GRID2: variants seen among roughly 807,000 people sequenced by gnomAD.
GRID2 encodes the protein glutamate ionotropic receptor delta type subunit 2, also known as glutamate receptor ionotropic, delta-2.
Under a neutral mutation model 114.8 loss-of-function variants are expected in GRID2, and 33 were observed. The ratio of observed to expected loss-of-function variants is 0.29; its 90% CI spans 0.22 to 0.38. GRID2 has a LOEUF of 0.38. Among genes scored for constraint, GRID2 ranks in the 10% least tolerant of loss-of-function variants. The pLI is 1.00. For missense variants in GRID2, 1,184 were observed against 1,257.7 expected, an observed-to-expected ratio of 0.94 and a Z score of 0.89; for synonymous variants, 505 against 449.9, an observed-to-expected ratio of 1.12 and a Z score of -1.55.
intron 2 of GRID2, among the ~76,000 whole-genome samples, chr4:92,747,537 A>G (rs1578138115): frequency 1.3e-5 from 2 of 152,078 alleles, no homozygotes; most frequent in Admixed American, 1.3e-4. Context: ...GGGAGGGGGA[A>G]ATGATATCCT....
At chr4:92,749,627 G>C (rs536703512) in intron 2 of GRID2, among the ~76,000 whole-genome samples, 2 of 152,092 alleles carry the variant, frequency 1.3e-5, no homozygotes. Flanking sequence ...AGATGCGCTG[G>C]TATTTTAAGC....
At chr4:93,648,046 C>A (rs1038669772) in intron 14 of GRID2, among the ~76,000 whole-genome samples, 3 of 152,108 alleles carry the variant, frequency 2.0e-5, no homozygotes, top group Non-Finnish European at 4.4e-5. Context: ...GGATTTGAAT[C>A]CAGACAAATC....
chr4:93,270,105 A>G (rs1751273633), intron 8 of GRID2, among the ~76,000 whole-genome samples: 1 of 152,076 alleles, frequency 6.6e-6, no homozygotes. Flanking sequence ...TTAGAAAGAT[A>G]TAGTTGAAGA....
In GRID2 at chr4:92,941,827, C is replaced by G. The variant is rs144948624; in HGVS notation, c.245-143168C>G. Among the ~76,000 whole-genome samples the G allele has an allele frequency of 1.2e-3, 183 of 152,194 alleles. 3 individuals are homozygous for G. The East Asian group carries it at 0.027, about 23-fold the overall frequency. On this transcript the variant is annotated intron_variant, in intron 2 of 15. Transcript: ENST00000282020. ...ATTTCTGCGTTCATTTTTTTGTGTA[C>G]CCAGTAGTCATTCAGGAGCAGGTTG...
At chr4:92,895,265 G>C (rs186888791) in intron 2 of GRID2, among the ~76,000 whole-genome samples, 4,262 of 151,416 alleles carry the variant, frequency 0.028, 89 homozygotes, top group Middle Eastern at 0.079. Flanking sequence ...GATGTAATCT[G>C]AGCCTCTGGT....
intron 1 of GRID2, among the ~76,000 whole-genome samples, chr4:92,516,538 G>A (rs1208031080): frequency 6.6e-6 from 1 of 151,844 alleles, no homozygotes; most frequent in Non-Finnish European, 1.5e-5. Flanking sequence ...AAAGCCCTGT[G>A]TGGTTTGACA....
At chr4:93,627,397 A>C (rs1390012278) in intron 14 of GRID2, among the ~76,000 whole-genome samples, 1 of 152,204 alleles carries the variant, frequency 6.6e-6, no homozygotes, top group African/African-American at 2.4e-5. Flanking sequence ...ACTAAAAATC[A>C]GTAGTTCACA....
intron 2 of GRID2, among the ~76,000 whole-genome samples, chr4:92,639,945 A>C (rs1731263666): frequency 2.6e-5 from 4 of 151,802 alleles, no homozygotes; most frequent in African/African-American, 9.7e-5. Flanking sequence ...TGTATTATGT[A>C]AAATTGAGGC....
chr4:93,450,996 T>G (rs6848749), intron 10 of GRID2, among the ~76,000 whole-genome samples: 26,313 of 151,848 alleles, frequency 0.17, 3,878 homozygotes, highest in African/African-American at 0.4. Flanking sequence ...TTTTTATTAT[T>G]TAAATACCTC....
chr4:93,774,281 C>CA lies in GRID2; in HGVS notation c.*1783_*1784insA, dbSNP rs1734295525. ...AACAAGTAACTAAGTGCATGCACAACTTGTTTTCCCTTGTAACATTCATGA... is the reference window on the plus strand; with the variant it reads ...AACAAGTAACTAAGTGCATGCACAACATTGTTTTCCCTTGTAACATTCATGA... On this transcript the variant is annotated 3_prime_UTR_variant, in exon 16 of 16. Coordinates refer to ENST00000282020, the MANE Select transcript of GRID2 (RefSeq NM_001510.4). 3 of 152,004 alleles carry CA rather than the reference C, an allele frequency of 2.0e-5. No individual in the cohort carries two copies. The highest frequency in any genetic ancestry group is 4.4e-5 in the Non-Finnish European group (3 of 67,932). 9.4% of individuals were successfully genotyped at this position (152,004 alleles called of 1,614,324 possible). A position where few individuals can be genotyped will look rare whatever the true frequency, so the allele number is the denominator to read the frequency against.
At position 93,521,758 on chromosome 4, in the gene GRID2, G is replaced by A. The variant is rs77500107; in HGVS notation, c.2193+6347G>A. 1.2e-3 allele frequency among the ~76,000 whole-genome samples: 183 copies of A among 152,202 alleles called. 2 individuals are homozygous for A. Among genetic ancestry groups the A allele is most frequent in the East Asian group, 4.8e-3 (25 of 5,184 alleles). On this transcript the variant is annotated intron_variant, in intron 13 of 15. Coordinates refer to ENST00000282020, the MANE Select transcript of GRID2 (RefSeq NM_001510.4). Reference sequence around the variant, plus strand: ...AATCGAATCACCAAGAATAAACACAGAACTAATATTTGAGAGAGTGACAGA... The same window carrying A: ...AATCGAATCACCAAGAATAAACACAAAACTAATATTTGAGAGAGTGACAGA...
At chr4:92,973,304 A>C (rs904056447) in intron 2 of GRID2, among the ~76,000 whole-genome samples, 1 of 152,192 alleles carries the variant, frequency 6.6e-6, no homozygotes, top group African/African-American at 2.4e-5. Flanking sequence ...ATGTTTAAAT[A>C]GAAGAGGGAT....
intron 3 of GRID2, among the ~76,000 whole-genome samples, chr4:93,110,467 C>T (rs919206643): frequency 5.3e-5 from 8 of 152,118 alleles, no homozygotes; most frequent in Admixed American, 4.6e-4. Flanking sequence ...CAACCATCTC[C>T]GTGCACCCTC....
intron 2 of GRID2, among the ~76,000 whole-genome samples, chr4:92,590,811 C>T (rs963297098): frequency 2.6e-5 from 4 of 152,160 alleles, no homozygotes; most frequent in African/African-American, 9.7e-5. Flanking sequence ...AAAGCACTTT[C>T]CTCCTTTTCC....
At chr4:93,329,476 A>C (rs1758204846) in intron 8 of GRID2, among the ~76,000 whole-genome samples, 2 of 152,142 alleles carry the variant, frequency 1.3e-5, no homozygotes, top group Non-Finnish European at 2.9e-5. Context: ...TCATGTTATC[A>C]ATACATTAGG....
intron 2 of GRID2, among the ~76,000 whole-genome samples, chr4:92,829,633 A>G (rs1741962399): frequency 6.6e-6 from 1 of 152,146 alleles, no homozygotes; most frequent in East Asian, 1.9e-4. Flanking sequence ...ATATGCACAC[A>G]TATGTTTATT....
intron 2 of GRID2, among the ~76,000 whole-genome samples, chr4:92,910,901 A>G (rs571213206): frequency 1.3e-5 from 2 of 152,046 alleles, no homozygotes; most frequent in South Asian, 2.1e-4. Flanking sequence ...TACAAACACA[A>G]TTAAAAAAAT....
At chr4:93,732,062 A>G (rs754965895) in intron 14 of GRID2, among the ~76,000 whole-genome samples, 3 of 152,232 alleles carry the variant, frequency 2.0e-5, no homozygotes, top group Non-Finnish European at 4.4e-5. Flanking sequence ...CTGAAGCATC[A>G]AGAAAAATCA....
At chr4:93,471,199 C>A (rs1049938409) in intron 11 of GRID2, among the ~76,000 whole-genome samples, 6 of 152,104 alleles carry the variant, frequency 3.9e-5, no homozygotes, top group Non-Finnish European at 5.9e-5. Flanking sequence ...TATTAAAACT[C>A]TTTTCCTTCC....
Sources: allele counts gnomAD v4.1 joint callset (sites outside exome capture counted in the v4.1 genomes callset), GRCh38; gene constraint gnomAD v4.1.1; transcripts MANE v1.5; gene names NCBI Gene and HGNC (gene_info 2026-07-23, HGNC 2026-07-21).